The following ANKRD44 variants were observed in gnomAD, a reference collection of about 807,000 sequenced individuals.
ANKRD44 encodes the protein serine/threonine-protein phosphatase 6 regulatory ankyrin repeat subunit B.
A neutral mutation model predicts 116.0 loss-of-function variants in ANKRD44; 35 were observed. That is an observed-to-expected ratio of 0.30 (90% CI 0.23 to 0.40). ANKRD44 has a LOEUF of 0.40. Ranked by LOEUF, ANKRD44 falls within the 10% of genes least tolerant of loss-of-function variation. The probability of loss-of-function intolerance (pLI) is 1.00; values close to 1 mark genes in which losing one functional copy is unlikely to be tolerated. For synonymous variants in ANKRD44, 435 were observed against 461.8 expected, an observed-to-expected ratio of 0.94 and a Z score of 0.74; for missense variants, 1,014 against 1,242.6, an observed-to-expected ratio of 0.82 and a Z score of 2.77.
intron 1 of ANKRD44, among the ~76,000 whole-genome samples, chr2:197,265,636 T>G (rs1008111061): frequency 1.3e-5 from 2 of 152,220 alleles, no homozygotes; most frequent in African/African-American, 4.8e-5. Flanking sequence ...CAGAACATTT[T>G]GTTTCATGAT....
intron 16 of ANKRD44, among the ~76,000 whole-genome samples, chr2:197,025,600 G>C (rs1221225770): frequency 6.6e-6 from 1 of 152,158 alleles, no homozygotes; most frequent in African/African-American, 2.4e-5. Flanking sequence ...CAAGACTCCT[G>C]CTCTCATGAA....
At chr2:197,138,358 CTG>C (rs2125396804) in intron 3 of ANKRD44, among the ~76,000 whole-genome samples, 1 of 152,290 alleles carries the variant, frequency 6.6e-6, no homozygotes, top group South Asian at 2.1e-4. Flanking sequence ...CACCTAGAGA[CTG>C]TAGAAATACA....
At chr2:197,062,836 G>A (rs1000564463) in intron 16 of ANKRD44, among the ~76,000 whole-genome samples, 23 of 152,372 alleles carry the variant, frequency 1.5e-4, no homozygotes, top group Non-Finnish European at 2.2e-4. Flanking sequence ...CGAACTGGGT[G>A]GAGCCCACCA....
intron 1 of ANKRD44, among the ~76,000 whole-genome samples, chr2:197,273,991 A>C (rs1269811008): frequency 4.7e-4 from 11 of 23,438 alleles, no homozygotes; most frequent in African/African-American, 1.5e-3. Context: ...ATATATATAT[A>C]TATATATATA....
chr2:197,049,062 T>C (rs2077056981), intron 16 of ANKRD44, among the ~76,000 whole-genome samples: 1 of 152,226 alleles, frequency 6.6e-6, no homozygotes, highest in Admixed American at 6.5e-5. Context: ...TGATGTTCTT[T>C]GTAGATTCTG....
At chr2:197,048,098 T>C (rs1242940464) in intron 16 of ANKRD44, among the ~76,000 whole-genome samples, 2 of 152,228 alleles carry the variant, frequency 1.3e-5, no homozygotes, top group East Asian at 1.9e-4. Flanking sequence ...TTTAACTATA[T>C]GAATAAATAT....
intron 1 of ANKRD44, among the ~76,000 whole-genome samples, chr2:197,298,387 C>A (rs2083787909): frequency 6.6e-6 from 1 of 152,142 alleles, no homozygotes; most frequent in Non-Finnish European, 1.5e-5. Context: ...TATGGAGCCA[C>A]TTAAACTAAG....
intron 1 of ANKRD44, among the ~76,000 whole-genome samples, chr2:197,250,622 G>C (rs1398067962): frequency 4.6e-5 from 7 of 152,186 alleles, no homozygotes; most frequent in Admixed American, 4.6e-4. Context: ...TCTAGTACCA[G>C]GCACCTTACT....
intron 13 of ANKRD44, among the ~76,000 whole-genome samples, chr2:197,084,255 T>A (rs1216067993): frequency 2.0e-5 from 3 of 152,102 alleles, no homozygotes; most frequent in Non-Finnish European, 4.4e-5. Flanking sequence ...CTGGATCATG[T>A]CCCTACATCC....
chr2:197,121,287 AG>A lies in ANKRD44; in HGVS notation c.906+44del, dbSNP rs749703370. 1.9e-6 allele frequency: 3 copies of A among 1,564,840 alleles called. No individual in the cohort carries two copies. In the African/African-American group the frequency reaches 4.1e-5, roughly 21 times the overall value. On this transcript the variant is annotated intron_variant, in intron 8 of 27. Transcript: ENST00000282272. ...CAGCAGTTGATTTTGCTCAAACAGA[AG>A]CTCAATGCAAAGGCATTCAACACAG...
At chr2:197,242,983 A>T (rs570598773) in intron 1 of ANKRD44, among the ~76,000 whole-genome samples, 104 of 152,364 alleles carry the variant, frequency 6.8e-4, no homozygotes, top group Admixed American at 1.3e-3. Context: ...ACATTCTGTG[A>T]CTAGCAACTT....
At chr2:197,050,986 T>TTGG (rs2077096038) in intron 16 of ANKRD44, among the ~76,000 whole-genome samples, 1 of 149,654 alleles carries the variant, frequency 6.7e-6, no homozygotes, top group African/African-American at 2.5e-5. Context: ...TTTTTTTTTT[T>TTGG]GAGACAGGCT....
intron 8 of ANKRD44, among the ~76,000 whole-genome samples, chr2:197,115,805 T>C (rs913685199): frequency 3.9e-5 from 6 of 152,180 alleles, no homozygotes; most frequent in Non-Finnish European, 5.9e-5. Context: ...GATGGCTCTA[T>C]GGAAATGTTA....
chr2:197,090,034 T>G lies in ANKRD44; in HGVS notation c.1101-2A>C. The G allele has an allele frequency of 6.2e-7, 1 of 1,612,984 alleles. No individual in the cohort carries two copies. The highest frequency in any genetic ancestry group is 8.5e-7 in the Non-Finnish European group (1 of 1,179,048). On this transcript the variant is annotated splice_acceptor_variant, in intron 10 of 27. Coordinates refer to ENST00000282272, the MANE Select transcript of ANKRD44 (RefSeq NM_001195144.2). LOFTEE classifies it high-confidence loss of function. ...GGGAACATGCTATGGATTCCACACCTGAGGAGTAAGAAAACAGAGCAACTC... is the reference window on the plus strand; with the variant it reads ...GGGAACATGCTATGGATTCCACACCGGAGGAGTAAGAAAACAGAGCAACTC...
intron 4 of ANKRD44, 42 bp from the exon 5 acceptor site, chr2:197,126,079 T>G (rs1388339503): frequency 6.2e-7 from 1 of 1,600,450 alleles, no homozygotes. Context: ...TGACAGACGT[T>G]CAATCAATAC....
chr2:197,015,132 G>C lies in ANKRD44; in HGVS notation c.1723-1420C>G, dbSNP rs116000415. The stretch of plus-strand genomic sequence containing the variant: ...CGAACAAAATGTTCCAGGGGCTTTG[G>C]TTTTGTGACCTACTCTTGTGTTGAA... On this transcript the variant is annotated intron_variant, in intron 17 of 27. Transcript: ENST00000282272. 4.6e-3 allele frequency: 1,117 copies of C among 240,618 alleles called. 14 individuals carry two copies. Among genetic ancestry groups the C allele is most frequent in the African/African-American group, 0.024 (1,049 of 43,160 alleles). 14.9% of individuals were successfully genotyped at this position (240,618 alleles called of 1,614,324 possible).
intron 18 of ANKRD44, among the ~76,000 whole-genome samples, chr2:197,012,168 A>G (rs1162449228): frequency 6.6e-6 from 1 of 152,242 alleles, no homozygotes; most frequent in East Asian, 1.9e-4. Flanking sequence ...TGAACAGTCC[A>G]GTGACAGTGT....
chr2:197,036,543 C>A (rs538922692), intron 16 of ANKRD44, among the ~76,000 whole-genome samples: 5 of 152,298 alleles, frequency 3.3e-5, no homozygotes, highest in African/African-American at 1.2e-4. Flanking sequence ...GCGGTCTATG[C>A]AACTTTTAAA....
At chr2:197,263,130 T>C in intron 1 of ANKRD44, 1 of 478,980 alleles carries the variant, frequency 2.1e-6, no homozygotes, top group Non-Finnish European at 4.0e-6. Context: ...TGCTCCAAGT[T>C]CGTCTCCACT....
Sources: gnomAD v4.1 joint callset for allele counts (sites outside exome capture counted in the v4.1 genomes callset) on GRCh38, gnomAD v4.1.1 for gene constraint, MANE v1.5 for transcripts, NCBI Gene and HGNC (gene_info 2026-07-23, HGNC 2026-07-21) for gene names.